The following MFSD12 variants were observed in gnomAD, a reference collection of about 807,000 sequenced individuals.
MFSD12 encodes major facilitator superfamily domain containing 12.
In MFSD12, 67 loss-of-function variants were observed where a neutral mutation model predicts 51.2. The observed-to-expected ratio is 1.31, with a 90% CI of 1.08 to 1.60. MFSD12 has a LOEUF of 1.60. Among genes scored for constraint, MFSD12 ranks in the 40% most tolerant of loss-of-function variants. MFSD12 has a pLI of 0.00. For missense variants in MFSD12, 921 were observed against 673.0 expected (o/e 1.37, Z -4.08); for synonymous variants, 441 against 316.7 (o/e 1.39, Z -4.17).
chr19:3,548,143 G>C lies in MFSD12; in HGVS notation c.634C>G (p.Gln212Glu). The C allele has an allele frequency of 6.2e-7, 1 of 1,607,000 alleles. No homozygotes were observed. Among genetic ancestry groups the C allele is most frequent in the East Asian group, 2.2e-5 (1 of 44,744 alleles). Residue 212 changes from glutamine to glutamate, a missense_variant, in exon 3 of 10, where the codon CAG becomes GAG. Transcript: ENST00000355415. ...DISISDQLGG[Q>E]DVPVFRNLSL... ...CTCACCCGGAACACGGGCACGTCCT[G>C]GCCCCCCAGCTGGTCGCTGATGCTG...
At chr19:3,538,998 G>C in intron 4 of MFSD12, 1 of 630,146 alleles carries the variant, frequency 1.6e-6, no homozygotes, top group Non-Finnish European at 2.9e-6. Flanking sequence ...CACCCACACT[G>C]TGTCACCCCC....
downstream of MFSD12, chr19:3,543,427 C>G: frequency 6.5e-7 from 1 of 1,547,074 alleles, no homozygotes; most frequent in Non-Finnish European, 8.7e-7. Flanking sequence ...AGGCCTACAA[C>G]CGCTGGCACA....
At chr19:3,543,680 G>C, downstream of MFSD12, 6 of 1,532,290 alleles carry the variant, frequency 3.9e-6, no homozygotes, top group African/African-American at 1.4e-5. Context: ...CAAGGAATAC[G>C]GTGAGGCTAG....
chr19:3,547,561 G>T lies in MFSD12; in HGVS notation c.838-14C>A. The T allele has an allele frequency of 6.2e-7, 1 of 1,600,142 alleles. No individual in the cohort carries two copies. Among genetic ancestry groups the T allele is most frequent in the South Asian group, 1.1e-5 (1 of 89,504 alleles). On this transcript the variant is annotated splice_polypyrimidine_tract_variant and intron_variant, in intron 4 of 9. Coordinates refer to ENST00000355415, the MANE Select transcript of MFSD12 (RefSeq NM_174983.5). ...CAGTATGCCCACCTGTGGGCAGACC[G>T]ACAGAGGGACTGGCAGGGGTCAGGA...
chr19:3,538,375 A>G, exon 5 of MFSD12: 1 of 242,800 alleles, frequency 4.1e-6, no homozygotes, highest in Non-Finnish European at 8.3e-6. Flanking sequence ...CAGCCATCCC[A>G]TCTGATTCCA....
chr19:3,538,843 C>T, intron 4 of MFSD12: 1 of 568,532 alleles, frequency 1.8e-6, no homozygotes. Context: ...CGGCCAGGCA[C>T]TGCCTCCTGC....
At chr19:3,556,912 C>G (rs2031752664) in intron 1 of MFSD12, among the ~76,000 whole-genome samples, 194 bp downstream of exon 1, 1 of 151,922 alleles carries the variant, frequency 6.6e-6, no homozygotes, top group African/African-American at 2.4e-5. Flanking sequence ...GCTCATAGGG[C>G]AGACAGATAC....
intron 2 of MFSD12, among the ~76,000 whole-genome samples, chr19:3,549,615 C>T (rs940160293): frequency 2.0e-5 from 3 of 149,278 alleles, no homozygotes; most frequent in Non-Finnish European, 3.0e-5. Flanking sequence ...CCCAGCTACT[C>T]GGGAGGCTGA....
intron 2 of MFSD12, among the ~76,000 whole-genome samples, chr19:3,548,912 G>A (rs1434611300): frequency 1.3e-5 from 2 of 152,208 alleles, no homozygotes; most frequent in Non-Finnish European, 2.9e-5. Context: ...CCATAATGGG[G>A]AACTCAAATC....
At position 3,548,246 on chromosome 19, in the gene MFSD12, G is replaced by A; in HGVS notation, c.531C>T (p.Ala177=). The A allele has an allele frequency of 6.4e-7, 1 of 1,550,396 alleles. No individual in the cohort carries two copies. The highest frequency in any genetic ancestry group is 8.7e-7 in the Non-Finnish European group (1 of 1,147,980). Reference sequence around the variant, plus strand: ...AGGCGGCGCCGTAGACGGTGATGTTGGCCACCACGGTGAACGCATACCTGG... The same window carrying A: ...AGGCGGCGCCGTAGACGGTGATGTTAGCCACCACGGTGAACGCATACCTGG... ...TALRYAFTVV[A]NITVYGAAWL... is the part of the protein sequence containing the mutation. The change falls in exon 3 of 10, where the codon GCC becomes GCT. Residue 177 remains alanine (A), a synonymous_variant. Coordinates refer to ENST00000355415, the MANE Select transcript of MFSD12 (RefSeq NM_174983.5).
intron 8 of MFSD12, 34 bp from the exon 9 acceptor site, chr19:3,544,973 C>G (rs12976454): frequency 1.3e-6 from 2 of 1,570,728 alleles, no homozygotes; most frequent in Admixed American, 3.6e-5. Flanking sequence ...GTAGGCACCG[C>G]GGGTACCACC....
chr19:3,556,610 TG>T, intron 1 of MFSD12, among the ~76,000 whole-genome samples: 1 of 85,412 alleles, frequency 1.2e-5, no homozygotes, highest in South Asian at 3.7e-4. Flanking sequence ...GCTCAGGCCA[TG>T]GGGCAGAAAG....
chr19:3,547,625 C>G, intron 4 of MFSD12, 78 bp from the exon 5 acceptor site: 4 of 1,365,974 alleles, frequency 2.9e-6, no homozygotes, highest in Non-Finnish European at 4.1e-6. Context: ...GCACCGGGGC[C>G]AGGGTGGGCG....
rs1374997924 is a variant in MFSD12 at position 3,546,128 on chromosome 19, T to C, written c.1235A>G (p.Asp412Gly). The C allele has an allele frequency of 7.4e-6, 12 of 1,613,250 alleles. No individual in the cohort carries two copies. The highest frequency in any genetic ancestry group is 1.0e-5 in the Non-Finnish European group (12 of 1,179,988). The change falls in exon 8 of 10, where the codon GAT becomes GGT. Residue 412 changes from aspartate to glycine, a missense_variant. Transcript: ENST00000355415. ...AFVYGSMSFL[D>G]KVANGLAVMA... is the part of the protein sequence containing the mutation. ...GACTGCCAGCCCATTGGCCACCTTA[T>C]CCAAGAAGCTCATGGAGCCGTACAC...
chr19:3,540,721 A>C (rs919660887), downstream of MFSD12, among the ~76,000 whole-genome samples: 4 of 151,274 alleles, frequency 2.6e-5, no homozygotes, highest in Non-Finnish European at 5.9e-5. Context: ...CTCTACTAAA[A>C]ATACAAAATT....
chr19:3,540,871 CAAA>C (rs1161701645), downstream of MFSD12, among the ~76,000 whole-genome samples: 16 of 61,060 alleles, frequency 2.6e-4, no homozygotes, highest in African/African-American at 8.1e-4. Context: ...AACTCCATCT[CAAA>C]AAAAAAAAAA....
In MFSD12 at chr19:3,547,372, G is replaced by A. The variant is rs201636663; in HGVS notation, c.931-8C>T. ...AATGGTCGCGATGAACTTCTGCGGA[G>A]GCAGAGCCAGGCATGCCGTGTCAGT... On this transcript the variant is annotated splice_region_variant and splice_polypyrimidine_tract_variant and intron_variant, in intron 5 of 9. Coordinates refer to ENST00000355415, the MANE Select transcript of MFSD12 (RefSeq NM_174983.5). 1.0e-4 allele frequency: 161 copies of A among 1,613,108 alleles called. 1 individual carries two copies. In the Admixed American group the frequency reaches 2.6e-3, roughly 26 times the overall value.
intron 8 of MFSD12, 49 bp downstream of exon 8, chr19:3,546,025 A>T: frequency 6.3e-7 from 1 of 1,591,962 alleles, no homozygotes; most frequent in Non-Finnish European, 8.6e-7. Flanking sequence ...CAGGCGCTTA[A>T]TCCCCTCTTA....
downstream of MFSD12, chr19:3,543,802 A>C: frequency 6.7e-7 from 1 of 1,503,218 alleles, no homozygotes; most frequent in Non-Finnish European, 8.9e-7. Flanking sequence ...AGGTGGGGGC[A>C]CATGGTGACC....
Sources: gnomAD v4.1 joint callset for allele counts (sites outside exome capture counted in the v4.1 genomes callset) on GRCh38, gnomAD v4.1.1 for gene constraint, MANE v1.5 for transcripts, NCBI Gene and HGNC (gene_info 2026-07-23, HGNC 2026-07-21) for gene names.